FAM185A: variants seen among roughly 807,000 people sequenced by gnomAD.
FAM185A encodes protein FAM185A.
Under a neutral mutation model 45.7 loss-of-function variants are expected in FAM185A, and 21 were observed. The ratio of observed to expected loss-of-function variants is 0.46; its 90% CI spans 0.33 to 0.66. The LOEUF (loss-of-function observed/expected upper bound fraction) is 0.66, where lower values mean the gene tolerates loss of function less well. FAM185A is among the 30% of genes least tolerant of loss of function. The pLI is 0.03. For missense variants in FAM185A, 305 were observed against 485.4 expected, an observed-to-expected ratio of 0.63 and a Z score of 3.49; for synonymous variants, 117 against 194.0, an observed-to-expected ratio of 0.60 and a Z score of 3.30.
At chr7:102,821,665 T>C in the FAM185A span, among the ~76,000 whole-genome samples, 1 of 152,222 alleles carries the variant, frequency 6.6e-6, no homozygotes, top group Admixed American at 6.5e-5. Context: ...CTTGCACATT[T>C]TTGCCCTCAG....
At chr7:102,781,040 A>G (rs556073008) in intron 6 of FAM185A, among the ~76,000 whole-genome samples, 53 of 152,300 alleles carry the variant, frequency 3.5e-4, no homozygotes, top group African/African-American at 1.3e-3. Flanking sequence ...TGAGGGTCCT[A>G]TGCCCACGGA....
chr7:102,818,005 C>T, the FAM185A span, among the ~76,000 whole-genome samples: 1 of 152,094 alleles, frequency 6.6e-6, no homozygotes, highest in Non-Finnish European at 1.5e-5. Flanking sequence ...TAACACTGTA[C>T]TGAAGTTTGT....
At chr7:102,816,227 C>T in the FAM185A span, 1 of 152,224 alleles carries the variant, frequency 6.6e-6, no homozygotes. Context: ...CTCAGACCCA[C>T]TCTCCTTCCA....
At chr7:102,798,721 T>C (rs1796591363) in intron 7 of FAM185A, among the ~76,000 whole-genome samples, 1 of 151,560 alleles carries the variant, frequency 6.6e-6, no homozygotes, top group South Asian at 2.1e-4. Flanking sequence ...TTCCTCCACA[T>C]TTATTTTATT....
chr7:102,770,706 A>G (rs1358364605), intron 4 of FAM185A, among the ~76,000 whole-genome samples: 1 of 152,156 alleles, frequency 6.6e-6, no homozygotes, highest in Non-Finnish European at 1.5e-5. Context: ...GTAAAAAAAC[A>G]ACAGACGCTG....
intron 7 of FAM185A, among the ~76,000 whole-genome samples, chr7:102,806,615 G>A (rs1797128515): frequency 6.6e-6 from 1 of 152,102 alleles, no homozygotes; most frequent in Admixed American, 6.5e-5. Context: ...GCCCTTACAA[G>A]CGGTCCCTGT....
chr7:102,796,860 G>C (rs1404341916), intron 7 of FAM185A, among the ~76,000 whole-genome samples: 1 of 152,100 alleles, frequency 6.6e-6, no homozygotes, highest in Non-Finnish European at 1.5e-5. Context: ...GACCAAAATT[G>C]AATTTCTATA....
chr7:102,768,674 A>G (rs1305623315), intron 4 of FAM185A, among the ~76,000 whole-genome samples: 1 of 151,456 alleles, frequency 6.6e-6, no homozygotes, highest in Non-Finnish European at 1.5e-5. Context: ...AAATAAACCA[A>G]TGTTTATCTT....
chr7:102,839,881 T>C, the FAM185A span, among the ~76,000 whole-genome samples: 1 of 152,022 alleles, frequency 6.6e-6, no homozygotes, highest in Non-Finnish European at 1.5e-5. Context: ...AAAAAATAAA[T>C]CTGACATTTC....
the FAM185A span, among the ~76,000 whole-genome samples, chr7:102,828,941 T>C: frequency 6.6e-6 from 1 of 152,142 alleles, no homozygotes; most frequent in Non-Finnish European, 1.5e-5. Flanking sequence ...CTCCCTTTTG[T>C]AGATTGTCAT....
At chr7:102,750,836 G>A (rs1177146947) in intron 1 of FAM185A, among the ~76,000 whole-genome samples, 1 of 152,182 alleles carries the variant, frequency 6.6e-6, no homozygotes, top group African/African-American at 2.4e-5. Flanking sequence ...GATGGCATTT[G>A]TAATTCCTTA....
chr7:102,839,725 T>C, the FAM185A span, among the ~76,000 whole-genome samples: 2 of 152,102 alleles, frequency 1.3e-5, no homozygotes, highest in South Asian at 2.1e-4. Context: ...GGATTACACA[T>C]GTGAGCCACT....
At chr7:102,798,142 G>A (rs1333049136) in intron 7 of FAM185A, among the ~76,000 whole-genome samples, 12 of 152,236 alleles carry the variant, frequency 7.9e-5, no homozygotes, top group Admixed American at 7.9e-4. Context: ...AAGCCACAGT[G>A]TATAGGGATA....
At chr7:102,828,996 G>A in the FAM185A span, among the ~76,000 whole-genome samples, 1 of 152,188 alleles carries the variant, frequency 6.6e-6, no homozygotes, top group African/African-American at 2.4e-5. Context: ...AACATCCTGA[G>A]ACTGAGGATA....
chr7:102,749,854 T>C (rs1399403586), intron 1 of FAM185A, among the ~76,000 whole-genome samples, 196 bp downstream of exon 1: 1 of 152,240 alleles, frequency 6.6e-6, no homozygotes, highest in Non-Finnish European at 1.5e-5. Context: ...TTCCCAATTA[T>C]AGAAATTTTA....
chr7:102,788,525 A>G (rs956540651), intron 7 of FAM185A, among the ~76,000 whole-genome samples: 2 of 152,312 alleles, frequency 1.3e-5, no homozygotes, highest in Non-Finnish European at 2.9e-5. Context: ...GTTAAAATTC[A>G]TAGAATATTA....
chr7:102,808,475 C>G lies in FAM185A; in HGVS notation c.*73C>G, dbSNP rs115940000. On this transcript the variant is annotated 3_prime_UTR_variant, in exon 8 of 8. Transcript: ENST00000413034. The stretch of plus-strand genomic sequence containing the variant: ...TGTGACTACAAAAATGTAAATCCCA[C>G]CATTCATATAAAGGTTGAAAACAAC... The G allele has an allele frequency of 1.2e-3, 1,113 of 925,528 alleles. 17 individuals carry two copies. The African/African-American group carries it at 0.016, about 14-fold the overall frequency. 57.3% of individuals were successfully genotyped at this position (925,528 alleles called of 1,614,324 possible).
chr7:102,842,613 G>T, the FAM185A span, among the ~76,000 whole-genome samples: 1 of 152,218 alleles, frequency 6.6e-6, no homozygotes, highest in African/African-American at 2.4e-5. Context: ...CTTGCTGTTA[G>T]AGCACATGAA....
chr7:102,786,829 A>G (rs1179367393), intron 6 of FAM185A, among the ~76,000 whole-genome samples: 11 of 110,278 alleles, frequency 1.0e-4, no homozygotes, highest in Non-Finnish European at 3.5e-5. Context: ...AAAGTATAAT[A>G]AAAAAAAAAA....
Sources: gnomAD v4.1 joint callset for allele counts (sites outside exome capture counted in the v4.1 genomes callset) on GRCh38, gnomAD v4.1.1 for gene constraint, MANE v1.5 for transcripts, NCBI Gene and HGNC (gene_info 2026-07-23, HGNC 2026-07-21) for gene names.